The following AFAP1L2 variants were observed in gnomAD, a reference collection of about 807,000 sequenced individuals.
The protein encoded by AFAP1L2 is actin filament-associated protein 1-like 2.
Under a neutral mutation model 99.3 loss-of-function variants are expected in AFAP1L2, and 46 were observed. The ratio of observed to expected loss-of-function variants is 0.46; its 90% CI spans 0.37 to 0.59. The LOEUF is 0.59. AFAP1L2 is among the 20% of genes least tolerant of loss of function. The pLI is 0.00. For synonymous variants in AFAP1L2, 397 were observed against 419.1 expected (o/e 0.95, Z 0.64); for missense variants, 959 against 1,034.9 (o/e 0.93, Z 1.01).
At chr10:114,343,735 G>A (rs2049119885) in intron 1 of AFAP1L2, among the ~76,000 whole-genome samples, 1 of 152,176 alleles carries the variant, frequency 6.6e-6, no homozygotes, top group Admixed American at 6.5e-5. Context: ...AAGTTGCCCT[G>A]TTGCCCTTGA....
chr10:114,373,920 G>A (rs1194292449), intron 1 of AFAP1L2, among the ~76,000 whole-genome samples: 1 of 152,090 alleles, frequency 6.6e-6, no homozygotes, highest in Non-Finnish European at 1.5e-5. Flanking sequence ...CACAGCCTAG[G>A]TCCACAGCGG....
rs1237704795 is a variant in AFAP1L2, at chr10:114,310,441, G to C, written c.795C>G (p.Val265=). 1.9e-6 allele frequency: 3 copies of C among 1,613,398 alleles called. No individual in the cohort carries two copies. In the South Asian group the frequency reaches 3.3e-5, roughly 18 times the overall value. Residue 265 remains valine (V), a splice_region_variant and synonymous_variant, in exon 8 of 19, where the codon GTC becomes GTG. Coordinates refer to ENST00000304129, the MANE Select transcript of AFAP1L2 (RefSeq NM_001001936.3). ...SKDQAEQWLR[V]IQEVSGLPSE... ...AAGGCAGGCCGCTCACTTCCTGGAT[G>C]ACCTGAGGCAAGAGGGAAGCCGTCA...
chr10:114,403,543 G>A (rs2058423420), intron 1 of AFAP1L2, among the ~76,000 whole-genome samples: 1 of 152,238 alleles, frequency 6.6e-6, no homozygotes, highest in Non-Finnish European at 1.5e-5. Context: ...TTTTCCAAAG[G>A]GAAGGGGTCT....
intron 1 of AFAP1L2, among the ~76,000 whole-genome samples, chr10:114,372,819 T>G (rs1198396364): frequency 6.6e-6 from 1 of 152,300 alleles, no homozygotes; most frequent in East Asian, 1.9e-4. Context: ...ATGCATAATA[T>G]TCTCTACATA....
chr10:114,357,883 G>A (rs570583598), intron 1 of AFAP1L2, among the ~76,000 whole-genome samples: 4 of 152,276 alleles, frequency 2.6e-5, no homozygotes, highest in African/African-American at 9.6e-5. Context: ...TATTTGCAGT[G>A]TGTTAAGTTT....
chr10:114,336,360 A>G (rs890203231), intron 2 of AFAP1L2, among the ~76,000 whole-genome samples: 4 of 152,240 alleles, frequency 2.6e-5, no homozygotes, highest in African/African-American at 9.6e-5. Context: ...TCACTCAACT[A>G]TCTGACGAAG....
intron 8 of AFAP1L2, among the ~76,000 whole-genome samples, chr10:114,309,915 G>A (rs10749159): frequency 0.67 from 101,529 of 152,058 alleles, 39,048 homozygotes; most frequent in Non-Finnish European, 0.85. Flanking sequence ...TCCAAGCAGT[G>A]TATGTTTCTT....
chr10:114,318,019 T>C (rs1242396142), intron 5 of AFAP1L2, among the ~76,000 whole-genome samples: 1 of 152,188 alleles, frequency 6.6e-6, no homozygotes, highest in African/African-American at 2.4e-5. Context: ...AAAACTAGTG[T>C]GCAGCTGGAT....
chr10:114,286,437 TCTA>T, the AFAP1L2 span: 2 of 1,612,874 alleles, frequency 1.2e-6, no homozygotes, highest in East Asian at 4.5e-5. Flanking sequence ...CATGTGATGG[TCTA>T]CTCGGATCCT....
Position 114,331,693 on chromosome 10 carries a change from A to C in AFAP1L2, c.315+110T>G, listed in dbSNP as rs1253521764. The C allele has an allele frequency of 5.4e-6, 4 of 745,838 alleles. No homozygotes were observed. In the East Asian group the frequency reaches 1.4e-4, roughly 26 times the overall value. The allele number at this position is 745,838 out of a possible 1,614,324, so 46.2% of individuals were successfully genotyped here. On this transcript the variant is annotated intron_variant, in intron 4 of 18. Coordinates refer to ENST00000304129, the MANE Select transcript of AFAP1L2 (RefSeq NM_001001936.3). Reference sequence around the variant, plus strand: ...GTGCCTTGTCCCAGTCCCTGAACACAGTAGCTGCTCAGAAAATGCCAGACA... The same window carrying C: ...GTGCCTTGTCCCAGTCCCTGAACACCGTAGCTGCTCAGAAAATGCCAGACA...
rs776417407 is a variant in AFAP1L2, at chr10:114,299,254, C to T, written c.2113+6G>A. 2.5e-6 allele frequency: 4 copies of T among 1,614,014 alleles called. No individual in the cohort carries two copies. Among genetic ancestry groups the T allele is most frequent in the Admixed American group, 3.3e-5 (2 of 60,012 alleles). ...GAGGGTCCCTCCCCACTGGGGGCCC[C>T]CTTACCTGTGCATTTCAGTAGGGTT... On this transcript the variant is annotated splice_donor_region_variant and intron_variant, in intron 16 of 18. Transcript: ENST00000304129.
chr10:114,366,007 A>G (rs1399828594), intron 1 of AFAP1L2, among the ~76,000 whole-genome samples: 1 of 152,040 alleles, frequency 6.6e-6, no homozygotes, highest in Non-Finnish European at 1.5e-5. Flanking sequence ...AAGTGCTGAG[A>G]TTATAGGTAT....
At chr10:114,385,385 G>A (rs769065166) in intron 1 of AFAP1L2, among the ~76,000 whole-genome samples, 35 of 152,198 alleles carry the variant, frequency 2.3e-4, no homozygotes, top group Admixed American at 8.5e-4. Context: ...TGCAGCTGGA[G>A]GACTTGACAT....
chr10:114,363,797 G>T (rs2052797477), intron 1 of AFAP1L2, among the ~76,000 whole-genome samples: 1 of 152,186 alleles, frequency 6.6e-6, no homozygotes, highest in African/African-American at 2.4e-5. Context: ...GTGATGGCCT[G>T]CTATGCCCAT....
chr10:114,384,761 T>C (rs1045244050), intron 1 of AFAP1L2, among the ~76,000 whole-genome samples: 1 of 152,184 alleles, frequency 6.6e-6, no homozygotes, highest in South Asian at 2.1e-4. Flanking sequence ...CTGTGCCCTG[T>C]GGCCAGGGAC....
At chr10:114,325,007 C>G (rs2046031003) in intron 4 of AFAP1L2, among the ~76,000 whole-genome samples, 1 of 152,098 alleles carries the variant, frequency 6.6e-6, no homozygotes, top group Non-Finnish European at 1.5e-5. Flanking sequence ...TCCAGCTTCC[C>G]CAGGGTGAGG....
intron 1 of AFAP1L2, among the ~76,000 whole-genome samples, chr10:114,369,406 T>C (rs2053775645): frequency 6.6e-6 from 1 of 151,982 alleles, no homozygotes; most frequent in Non-Finnish European, 1.5e-5. Flanking sequence ...CCATCCTGGC[T>C]AACATGGTGA....
chr10:114,357,087 C>CT (rs1395416666), intron 1 of AFAP1L2, among the ~76,000 whole-genome samples: 1 of 152,164 alleles, frequency 6.6e-6, no homozygotes, highest in Non-Finnish European at 1.5e-5. Context: ...CATTGTTTTT[C>CT]TTTAATGTTT....
Position 114,310,027 on chromosome 10 carries a change from A to C in AFAP1L2, c.882+327T>G, listed in dbSNP as rs375604581. On this transcript the variant is annotated intron_variant, in intron 8 of 18. Transcript: ENST00000304129. The stretch of plus-strand genomic sequence containing the variant: ...ACTGCAACCTCCGCCTCCTGGGTTC[A>C]AGTGATTCTCCTGCCTCAGGCTCCC... Among the ~76,000 whole-genome samples, 183 of 152,202 alleles carry C rather than the reference A, an allele frequency of 1.2e-3. 4 individuals carry two copies. The South Asian group carries it at 0.029, about 25-fold the overall frequency.
Sources: allele counts gnomAD v4.1 joint callset (sites outside exome capture counted in the v4.1 genomes callset), GRCh38; gene constraint gnomAD v4.1.1; transcripts MANE v1.5; gene names NCBI Gene and HGNC (gene_info 2026-07-23, HGNC 2026-07-21).